The following PIEZO2 variants were observed in gnomAD, a reference collection of about 807,000 sequenced individuals.
PIEZO2 encodes the protein piezo type mechanosensitive ion channel component 2.
Under a neutral mutation model 337.3 loss-of-function variants are expected in PIEZO2, and 172 were observed. The observed-to-expected ratio is 0.51, with a 90% confidence interval of 0.45 to 0.58. The LOEUF (loss-of-function observed/expected upper bound fraction) is 0.58, where lower values mean the gene tolerates loss of function less well. Among genes scored for constraint, PIEZO2 ranks in the 20% least tolerant of loss-of-function variants. The pLI is 0.00. For synonymous variants in PIEZO2, 1,251 were observed against 1,228.5 expected (o/e 1.02, Z -0.38); for missense variants, 3,028 against 3,391.3 (o/e 0.89, Z 2.66).
Position 10,705,751 on chromosome 18 carries a change from T to C in PIEZO2, c.5589-5A>G, listed in dbSNP as rs1460735703. On this transcript the variant is annotated splice_polypyrimidine_tract_variant and splice_region_variant and intron_variant, in intron 40 of 55. Transcript: ENST00000674853. ...ATGGTACACTGCGTGGGCTCGCTGT[T>C]GGGAGAAAGCGTGGGCACAGAGCCC... 7 of 1,514,994 alleles carry C rather than the reference T, an allele frequency of 4.6e-6. No homozygotes were observed. Among genetic ancestry groups the C allele is most frequent in the East Asian group, 2.5e-5 (1 of 40,634 alleles). 93.8% of individuals were successfully genotyped at this position (1,514,994 alleles called of 1,614,324 possible).
chr18:10,850,312 C>T lies in PIEZO2; in HGVS notation c.917+5041G>A, dbSNP rs181721291. Among the ~76,000 whole-genome samples the T allele has an allele frequency of 3.2e-4, 49 of 152,238 alleles. No individual in the cohort carries two copies. In the East Asian group the frequency reaches 6.9e-3, roughly 22 times the overall value. ...ACTCCAGCCCTGTGCCACACATCGGCGTGGAATTTCAGTTTATACCATATG... is the reference window on the plus strand; with the variant it reads ...ACTCCAGCCCTGTGCCACACATCGGTGTGGAATTTCAGTTTATACCATATG... On this transcript the variant is annotated intron_variant, in intron 7 of 55. Transcript: ENST00000674853. The surrounding 1 kb of genome is among the most constrained non-coding windows in gnomAD (Gnocchi z 4.5).
intron 2 of PIEZO2, among the ~76,000 whole-genome samples, chr18:11,015,310 C>T (rs762228456): frequency 7.9e-5 from 12 of 151,452 alleles, no homozygotes; most frequent in Non-Finnish European, 1.5e-4. Context: ...CACCCAGATC[C>T]GGGGCCCCCT....
chr18:11,124,470 G>T (rs2040125240), intron 1 of PIEZO2, among the ~76,000 whole-genome samples: 1 of 152,162 alleles, frequency 6.6e-6, no homozygotes, highest in Non-Finnish European at 1.5e-5. Flanking sequence ...ATACCTGCAG[G>T]ATATGCATTC....
intron 4 of PIEZO2, among the ~76,000 whole-genome samples, chr18:10,896,788 G>T (rs1464183850): frequency 1.3e-5 from 2 of 152,142 alleles, no homozygotes; most frequent in African/African-American, 4.8e-5. Flanking sequence ...TGTGAGGTCC[G>T]GCATCACCGG....
intron 2 of PIEZO2, among the ~76,000 whole-genome samples, chr18:11,039,932 C>T (rs2037059556): frequency 6.6e-6 from 1 of 152,154 alleles, no homozygotes. Flanking sequence ...ACCCTCCCCA[C>T]CCCGTATAGA....
At chr18:10,698,170 G>T (rs187859140) in intron 44 of PIEZO2, among the ~76,000 whole-genome samples, 94 of 152,340 alleles carry the variant, frequency 6.2e-4, no homozygotes, top group African/African-American at 2.0e-3. Context: ...CTAGGATGCA[G>T]GTGTTCCAGA....
At position 10,863,777 on chromosome 18, in the gene PIEZO2, C is replaced by T. The variant is rs554423911; in HGVS notation, c.493-6566G>A. On this transcript the variant is annotated intron_variant, in intron 5 of 55. Transcript: ENST00000674853. This position sits in a 1 kb window ranked among gnomAD's most constrained non-coding sequence, Gnocchi z 4.3. Reference sequence around the variant, plus strand: ...AAAGGGAAATGAACAATAATGGAGACTAGCCAAATACAATTGACTGTTTAA... The same window carrying T: ...AAAGGGAAATGAACAATAATGGAGATTAGCCAAATACAATTGACTGTTTAA... Among the ~76,000 whole-genome samples, 40 of 151,546 alleles carry T rather than the reference C, an allele frequency of 2.6e-4. No individual in the cohort carries two copies. Among genetic ancestry groups the T allele is most frequent in the African/African-American group, 9.5e-4 (39 of 40,864 alleles).
chr18:11,143,962 T>C lies in PIEZO2; in HGVS notation c.64+4563A>G, dbSNP rs2040742126. On this transcript the variant is annotated intron_variant, in intron 1 of 55. Coordinates refer to ENST00000674853, the MANE Select transcript of PIEZO2 (RefSeq NM_001378183.1). This position sits in a 1 kb window ranked among gnomAD's most constrained non-coding sequence, Gnocchi z 4.9. Reference sequence around the variant, plus strand: ...ACAAAACCATAATAGAATATGTTATTTACCATTTTACAGAAAGAAAAGAGA... The same window carrying C: ...ACAAAACCATAATAGAATATGTTATCTACCATTTTACAGAAAGAAAAGAGA... Among the ~76,000 whole-genome samples, 1 of 152,208 alleles carries C rather than the reference T, an allele frequency of 6.6e-6. No individual in the cohort carries two copies. Among genetic ancestry groups the C allele is most frequent in the Admixed American group, 6.5e-5 (1 of 15,276 alleles).
In PIEZO2 at chr18:11,139,857, T is replaced by C. The variant is rs147494732; in HGVS notation, c.64+8668A>G. Among the ~76,000 whole-genome samples the C allele has an allele frequency of 5.8e-4, 89 of 152,324 alleles. 1 individual carries two copies. In the East Asian group the frequency reaches 0.016, roughly 28 times the overall value. ...CTGTTCACTTGATCTAGAACTCTTC[T>C]GCTTATACAGATCGAGTCAGAATTC... is the stretch of plus-strand genomic sequence containing the variant. On this transcript the variant is annotated intron_variant, in intron 1 of 55. Coordinates refer to ENST00000674853, the MANE Select transcript of PIEZO2 (RefSeq NM_001378183.1).
intron 49 of PIEZO2, among the ~76,000 whole-genome samples, chr18:10,687,755 C>T (rs957122080): frequency 1.3e-4 from 20 of 152,094 alleles, no homozygotes; most frequent in African/African-American, 4.8e-4. Flanking sequence ...GGGAAGAAGC[C>T]TGGGCTTGTC....
chr18:10,672,673 G>A lies in PIEZO2; in HGVS notation c.8345+17C>T, dbSNP rs750256917. 2.5e-6 allele frequency: 4 copies of A among 1,606,068 alleles called. No individual in the cohort carries two copies. Among genetic ancestry groups the A allele is most frequent in the South Asian group, 2.2e-5 (2 of 89,136 alleles). On this transcript the variant is annotated intron_variant, in intron 55 of 55. Transcript: ENST00000674853. This position sits in a 1 kb window ranked among gnomAD's most constrained non-coding sequence, Gnocchi z 4.7. ...AAGTAGACTCTTGTAACTGTGAATT[G>A]TTCAATGAGTCCTTACCCATAGCCA...
intron 3 of PIEZO2, among the ~76,000 whole-genome samples, chr18:10,956,811 T>C (rs556423074): frequency 1.3e-5 from 2 of 150,698 alleles, no homozygotes; most frequent in African/African-American, 4.9e-5. Context: ...CTACTAAAAA[T>C]ACAAAAAATT....
intron 44 of PIEZO2, among the ~76,000 whole-genome samples, chr18:10,698,618 A>T (rs912837331): frequency 1.7e-4 from 26 of 152,250 alleles, no homozygotes; most frequent in African/African-American, 5.8e-4. Flanking sequence ...GATTTTTCGC[A>T]TGTAACACAA....
At chr18:10,811,381 C>T (rs368867508) in intron 7 of PIEZO2, among the ~76,000 whole-genome samples, 2 of 152,144 alleles carry the variant, frequency 1.3e-5, no homozygotes, top group Admixed American at 6.6e-5. Flanking sequence ...GTCTTGTCAC[C>T]TTGCGTTTAT....
At chr18:10,764,577 G>A (rs1176576729) in intron 21 of PIEZO2, among the ~76,000 whole-genome samples, 1 of 139,730 alleles carries the variant, frequency 7.2e-6, no homozygotes, top group African/African-American at 2.8e-5. Flanking sequence ...GTGACAGAGT[G>A]ACACTACGTC....
At chr18:11,100,361 A>AT (rs1441973918) in intron 1 of PIEZO2, among the ~76,000 whole-genome samples, 2 of 152,214 alleles carry the variant, frequency 1.3e-5, no homozygotes, top group East Asian at 3.8e-4. Flanking sequence ...AAGCAATGGA[A>AT]TTAATTATCA....
chr18:10,872,495 A>G lies in PIEZO2; in HGVS notation c.330-1080T>C. Among the ~76,000 whole-genome samples, 1 of 152,102 alleles carries G rather than the reference A, an allele frequency of 6.6e-6. No individual in the cohort carries two copies. Among genetic ancestry groups the G allele is most frequent in the Admixed American group, 6.5e-5 (1 of 15,272 alleles). ...GGCCAGCACACATCACCTCAGCTGA[A>G]ATGTGTTCTGGCTAAGCTCACTCTG... On this transcript the variant is annotated intron_variant, in intron 4 of 55. Coordinates refer to ENST00000674853, the MANE Select transcript of PIEZO2 (RefSeq NM_001378183.1). The surrounding 1 kb of genome is among the most constrained non-coding windows in gnomAD (Gnocchi z 4.3).
chr18:10,757,605 G>C (rs183280534), intron 27 of PIEZO2, among the ~76,000 whole-genome samples: 1 of 151,454 alleles, frequency 6.6e-6, no homozygotes, highest in Non-Finnish European at 1.5e-5. Flanking sequence ...AGAAAGATGG[G>C]GGATGAGGAA....
chr18:11,104,528 G>T lies in PIEZO2; in HGVS notation c.65-38306C>A, dbSNP rs1294046451. Among the ~76,000 whole-genome samples the T allele has an allele frequency of 6.6e-6, 1 of 152,182 alleles. No homozygotes were observed. The highest frequency in any genetic ancestry group is 6.5e-5 in the Admixed American group (1 of 15,284). ...GCCTCCTGGGCAGGAGAGAAAGCTG[G>T]CCTGGAGCCATCTGAAGTCTGAAGT... On this transcript the variant is annotated intron_variant, in intron 1 of 55. Coordinates refer to ENST00000674853, the MANE Select transcript of PIEZO2 (RefSeq NM_001378183.1). The surrounding 1 kb of genome is among the most constrained non-coding windows in gnomAD (Gnocchi z 4.6).
Sources: gnomAD v4.1 joint callset for allele counts (sites outside exome capture counted in the v4.1 genomes callset) on GRCh38, gnomAD v4.1.1 for gene constraint, Gnocchi (gnomAD v3.1) non-coding constraint, MANE v1.5 for transcripts, NCBI Gene and HGNC (gene_info 2026-07-23, HGNC 2026-07-21) for gene names.